The following UBE2U variants were observed in gnomAD, a reference collection of about 807,000 sequenced individuals.
UBE2U encodes the protein ubiquitin conjugating enzyme E2 U, also known as ubiquitin-conjugating enzyme E2 U.
In UBE2U, 39 loss-of-function variants were observed where a neutral mutation model predicts 41.2. The observed-to-expected ratio is 0.95, with a 90% confidence interval of 0.73 to 1.24. The LOEUF is 1.24. Among genes scored for constraint, UBE2U ranks in the 50% most tolerant of loss-of-function variants. The pLI, the probability that UBE2U is intolerant of heterozygous loss-of-function variation, is 0.00. For missense variants in UBE2U, 336 were observed against 363.1 expected, an observed-to-expected ratio of 0.93 and a Z score of 0.61; for synonymous variants, 107 against 117.8, an observed-to-expected ratio of 0.91 and a Z score of 0.60.
chr1:64,266,429 TCA>T (rs1377031322), intron 9 of UBE2U, among the ~76,000 whole-genome samples: 4 of 152,154 alleles, frequency 2.6e-5, no homozygotes, highest in South Asian at 2.1e-4. Context: ...TTGCTCAGCC[TCA>T]GTTTCCTCAT....
chr1:64,226,750 AAAG>A (rs1652899964), intron 6 of UBE2U, among the ~76,000 whole-genome samples: 1 of 152,088 alleles, frequency 6.6e-6, no homozygotes, highest in South Asian at 2.1e-4. Context: ...AAAAAAAAAA[AAAG>A]GTATTCAAAC....
chr1:64,260,799 G>A, intron 9 of UBE2U, 105 bp downstream of exon 9: 1 of 817,468 alleles, frequency 1.2e-6, no homozygotes, highest in Non-Finnish European at 1.9e-6. Context: ...AATATATGAG[G>A]GCTAATCCTT....
chr1:64,216,195 T>C lies in UBE2U; in HGVS notation c.457+1263T>C, dbSNP rs146543153. Among the ~76,000 whole-genome samples, 398 of 152,288 alleles carry C rather than the reference T, an allele frequency of 2.6e-3. 1 individual carries two copies. In the Middle Eastern group the frequency reaches 0.031, roughly 12 times the overall value. On this transcript the variant is annotated intron_variant, in intron 5 of 9. Coordinates refer to ENST00000371077, the MANE Select transcript of UBE2U (RefSeq NM_001366232.2). ...TGATCAAGCATCTTTTCCAGTACCA[T>C]AGAACTTTATTCTACGACAAAGTTC...
Position 64,208,238 on chromosome 1 carries a change from T to C in UBE2U, c.241+1382T>C, listed in dbSNP as rs7523860. Among the ~76,000 whole-genome samples, 139 of 152,298 alleles carry C rather than the reference T, an allele frequency of 9.1e-4. 2 individuals are homozygous for C. Among genetic ancestry groups the C allele is most frequent in the Middle Eastern group, 3.4e-3 (1 of 294 alleles). On this transcript the variant is annotated intron_variant, in intron 3 of 9. Coordinates refer to ENST00000371077, the MANE Select transcript of UBE2U (RefSeq NM_001366232.2). ...GGTATAAAATGCATATATCCCTAAA[T>C]TCCCGTAATACCATGTTTATAAACT...
chr1:64,250,060 A>G (rs1410342960), intron 8 of UBE2U, among the ~76,000 whole-genome samples: 1 of 152,190 alleles, frequency 6.6e-6, no homozygotes, highest in Non-Finnish European at 1.5e-5. Context: ...AGGAGCAACG[A>G]TAAGAATAGC....
At chr1:64,228,892 C>T (rs1353332550) in intron 6 of UBE2U, among the ~76,000 whole-genome samples, 10 of 136,574 alleles carry the variant, frequency 7.3e-5, no homozygotes, top group Admixed American at 4.7e-4. Context: ...TACAGAATCT[C>T]GCTCTGTCTC....
Position 64,203,918 on chromosome 1 carries a change from T to C in UBE2U, c.-133T>C. On this transcript the variant is annotated 5_prime_UTR_variant, in exon 1 of 10. Coordinates refer to ENST00000371077, the MANE Select transcript of UBE2U (RefSeq NM_001366232.2). ...TTAGAAGCCGCTTATCTTGGTACCG[T>C]TCTGAGGTTCTAGAAAGCAAGTAAC... is the stretch of plus-strand genomic sequence containing the variant. 1.5e-6 allele frequency: 1 copy of C among 657,002 alleles called. No individual in the cohort carries two copies. The highest frequency in any genetic ancestry group is 2.9e-5 in the East Asian group (1 of 34,102). 40.7% of individuals were successfully genotyped at this position (657,002 alleles called of 1,614,324 possible).
At chr1:64,207,232 C>A (rs1433415641) in intron 3 of UBE2U, among the ~76,000 whole-genome samples, 2 of 151,428 alleles carry the variant, frequency 1.3e-5, no homozygotes, top group African/African-American at 2.4e-5. Flanking sequence ...CTCACTGCAA[C>A]CTTCACCTCC....
chr1:64,214,257 C>T (rs1651839753), intron 4 of UBE2U, among the ~76,000 whole-genome samples: 1 of 152,164 alleles, frequency 6.6e-6, no homozygotes, highest in Non-Finnish European at 1.5e-5. Flanking sequence ...CTACTGAGCA[C>T]TTGAAATGTT....
At chr1:64,242,273 C>T (rs1472815766) in intron 8 of UBE2U, among the ~76,000 whole-genome samples, 1 of 152,080 alleles carries the variant, frequency 6.6e-6, no homozygotes, top group Non-Finnish European at 1.5e-5. Flanking sequence ...GAACCTTAAT[C>T]TCATCTTTGG....
chr1:64,204,318 C>G (rs1022880259), intron 1 of UBE2U, among the ~76,000 whole-genome samples: 1 of 152,106 alleles, frequency 6.6e-6, no homozygotes, highest in Non-Finnish European at 1.5e-5. Context: ...TAATGCTTAA[C>G]AATATTGAAC....
At chr1:64,212,630 AG>A (rs1211584320) in intron 4 of UBE2U, among the ~76,000 whole-genome samples, 2 of 152,340 alleles carry the variant, frequency 1.3e-5, no homozygotes, top group African/African-American at 4.8e-5. Flanking sequence ...TGAAATGCTT[AG>A]GAATTGGAAA....
At chr1:64,207,924 C>A (rs1651403510) in intron 3 of UBE2U, among the ~76,000 whole-genome samples, 1 of 151,910 alleles carries the variant, frequency 6.6e-6, no homozygotes, top group Admixed American at 6.6e-5. Flanking sequence ...AATATGTATA[C>A]CATATGAAGA....
chr1:64,240,717 C>G (rs974724685), intron 7 of UBE2U, among the ~76,000 whole-genome samples: 2 of 152,050 alleles, frequency 1.3e-5, no homozygotes, highest in African/African-American at 4.8e-5. Context: ...TATTTTAATA[C>G]TTTCTTCATT....
chr1:64,219,379 T>C (rs772434823), intron 5 of UBE2U, among the ~76,000 whole-genome samples: 1 of 152,096 alleles, frequency 6.6e-6, no homozygotes, highest in Non-Finnish European at 1.5e-5. Context: ...AAATTTTTGA[T>C]AATATTTCTT....
chr1:64,205,015 T>C (rs1188923148), intron 1 of UBE2U, among the ~76,000 whole-genome samples: 2 of 152,152 alleles, frequency 1.3e-5, no homozygotes, highest in Non-Finnish European at 2.9e-5. Context: ...ATATAGATAA[T>C]AGAGAGACAG....
At chr1:64,251,779 T>A (rs1328408431) in intron 8 of UBE2U, among the ~76,000 whole-genome samples, 1 of 152,136 alleles carries the variant, frequency 6.6e-6, no homozygotes. Flanking sequence ...CTGTGTGTAA[T>A]CTTAGCAGAG....
At chr1:64,238,460 C>A (rs1168610066) in intron 7 of UBE2U, among the ~76,000 whole-genome samples, 5 of 150,748 alleles carry the variant, frequency 3.3e-5, no homozygotes, top group African/African-American at 1.2e-4. Flanking sequence ...TTATTATAAT[C>A]ATCTAAAGGA....
At chr1:64,236,867 C>T (rs1303057855) in intron 7 of UBE2U, among the ~76,000 whole-genome samples, 1 of 152,168 alleles carries the variant, frequency 6.6e-6, no homozygotes, top group Non-Finnish European at 1.5e-5. Flanking sequence ...ATGAGAACCA[C>T]CTGAGGAGCT....
Sources: gnomAD v4.1 joint callset for allele counts (sites outside exome capture counted in the v4.1 genomes callset) on GRCh38, gnomAD v4.1.1 for gene constraint, MANE v1.5 for transcripts, NCBI Gene and HGNC (gene_info 2026-07-23, HGNC 2026-07-21) for gene names.